The following DYRK3 variants were observed in gnomAD, a reference collection of about 807,000 sequenced individuals.
The protein encoded by DYRK3 is dual specificity tyrosine phosphorylation regulated kinase 3.
A neutral mutation model predicts 40.8 loss-of-function variants in DYRK3; 30 were observed. The observed-to-expected ratio is 0.74, with a 90% CI of 0.55 to 1.00. The LOEUF (loss-of-function observed/expected upper bound fraction) is 1.00. Among genes scored for constraint, DYRK3 ranks in the 50% least tolerant of loss-of-function variants. The pLI, the probability that DYRK3 is intolerant of heterozygous loss-of-function variation, is 0.00. For synonymous variants in DYRK3, 272 were observed against 260.7 expected, an observed-to-expected ratio of 1.04 and a Z score of -0.42; for missense variants, 699 against 731.5, an observed-to-expected ratio of 0.96 and a Z score of 0.51.
chr1:206,651,913 A>G lies in DYRK3; in HGVS notation c.*2948A>G, dbSNP rs1055293850. Among the ~76,000 whole-genome samples, 2 of 152,234 alleles carry G rather than the reference A, an allele frequency of 1.3e-5. No individual in the cohort carries two copies. The highest frequency in any genetic ancestry group is 2.9e-5 in the Non-Finnish European group (2 of 68,036). On this transcript the variant is annotated 3_prime_UTR_variant, in exon 3 of 3. Transcript: ENST00000367109. Reference sequence around the variant, plus strand: ...CCCACTCAGGTGCTGTCCAAGGCACATGTTTCCTTGGGATGTTTGGACAGA... The same window carrying G: ...CCCACTCAGGTGCTGTCCAAGGCACGTGTTTCCTTGGGATGTTTGGACAGA...
rs1553420596 is a variant in DYRK3, at chr1:206,648,218, C to T, written c.1020C>T (p.Asn340=). The T allele has an allele frequency of 1.9e-6, 3 of 1,614,176 alleles. No individual in the cohort carries two copies. In the South Asian group the frequency reaches 3.3e-5, roughly 18 times the overall value. Reference sequence around the variant, plus strand: ...TTCACTGCGATCTGAAGCCAGAAAACATTCTCCTGAAACACCACGGGCGCA... The same window carrying T: ...TTCACTGCGATCTGAAGCCAGAAAATATTCTCCTGAAACACCACGGGCGCA... ...KIIHCDLKPE[N]ILLKHHGRSS... Residue 340 remains asparagine, a synonymous_variant, in exon 3 of 3, where the codon AAC becomes AAT. Coordinates refer to ENST00000367109, the MANE Select transcript of DYRK3 (RefSeq NM_003582.4).
chr1:206,648,814 A>T lies in DYRK3; in HGVS notation c.1616A>T (p.Lys539Ile), dbSNP rs782361196. ...ACCACCATAGACAAGGTGTCAGGGA[A>T]ACGGGTAGTTAATCCTGCAAGTGCT... ...PLTTIDKVSG[K>I]RVVNPASAFQ... is the part of the protein sequence containing the mutation. The change falls in exon 3 of 3, where the codon AAA becomes ATA. Residue 539 changes from lysine to isoleucine, a missense_variant. By Grantham distance (102) the Lys-to-Ile change is moderately radical. Coordinates refer to ENST00000367109, the MANE Select transcript of DYRK3 (RefSeq NM_003582.4). 1 of 1,614,194 alleles carries T rather than the reference A, an allele frequency of 6.2e-7. No individual in the cohort carries two copies. The highest frequency in any genetic ancestry group is 8.5e-7 in the Non-Finnish European group (1 of 1,180,012).
rs937848327 is a variant in DYRK3 at position 206,652,145 on chromosome 1, C to G, written c.*3180C>G. 3.3e-5 allele frequency among the ~76,000 whole-genome samples: 5 copies of G among 152,212 alleles called. No individual in the cohort carries two copies. Among genetic ancestry groups the G allele is most frequent in the Non-Finnish European group, 7.3e-5 (5 of 68,042 alleles). ...TATCTGATTGACACAGATCTGAAGT[C>G]TCTAACACCATATTGCTGTTGTCCT... On this transcript the variant is annotated 3_prime_UTR_variant, in exon 3 of 3. Coordinates refer to ENST00000367109, the MANE Select transcript of DYRK3 (RefSeq NM_003582.4).
chr1:206,643,101 A>G (rs972827291), intron 2 of DYRK3, among the ~76,000 whole-genome samples: 2 of 152,046 alleles, frequency 1.3e-5, no homozygotes, highest in African/African-American at 4.8e-5. Flanking sequence ...AGTGCAGCCT[A>G]TGTTGAGAAT....
At position 206,655,065 on chromosome 1, in the gene DYRK3, T is replaced by C. The variant is rs1259584979; in HGVS notation, c.*6100T>C. Among the ~76,000 whole-genome samples the C allele has an allele frequency of 1.3e-5, 2 of 152,242 alleles. No homozygotes were observed. Among genetic ancestry groups the C allele is most frequent in the Non-Finnish European group, 2.9e-5 (2 of 68,044 alleles). ...CATTGTCCGTTTGAGTCTGCTGACATGCTTCCTCTGGAAAGTGCAGTTTGG... is the reference window on the plus strand; with the variant it reads ...CATTGTCCGTTTGAGTCTGCTGACACGCTTCCTCTGGAAAGTGCAGTTTGG... On this transcript the variant is annotated 3_prime_UTR_variant, in exon 3 of 3. Transcript: ENST00000367109.
intron 1 of DYRK3, among the ~76,000 whole-genome samples, chr1:206,636,686 A>G (rs1289879422): frequency 3.3e-5 from 5 of 152,262 alleles, no homozygotes; most frequent in Admixed American, 2.6e-4. Flanking sequence ...ATATTTTAAA[A>G]GACGTTAAAA....
chr1:206,639,073 G>T (rs1671202756), intron 2 of DYRK3, among the ~76,000 whole-genome samples: 1 of 151,958 alleles, frequency 6.6e-6, no homozygotes. Context: ...TAGAGACAGG[G>T]TTTCACCATG....
In DYRK3 at chr1:206,639,951, T is replaced by C. The variant is rs1430561807; in HGVS notation, c.189+2190T>C. Among the ~76,000 whole-genome samples the C allele has an allele frequency of 7.8e-3, 1,153 of 148,164 alleles. 3 individuals are homozygous for C. The highest frequency in any genetic ancestry group is 0.028 in the African/African-American group (1,096 of 39,838). On this transcript the variant is annotated intron_variant, in intron 2 of 2. Transcript: ENST00000367109. ...TTCTTTTTTTTTTTTTTTTTTTTTTTTGAGACCGAGTCTCGCTCTCTCGCC... is the reference window on the plus strand; with the variant it reads ...TTCTTTTTTTTTTTTTTTTTTTTTTCTGAGACCGAGTCTCGCTCTCTCGCC...
At chr1:206,639,825 G>A (rs1671233922) in intron 2 of DYRK3, among the ~76,000 whole-genome samples, 1 of 150,308 alleles carries the variant, frequency 6.7e-6, no homozygotes, top group Non-Finnish European at 1.5e-5. Flanking sequence ...TACTTACATT[G>A]TATGTTTCAG....
In DYRK3 at chr1:206,648,147, C is replaced by A. The variant is rs782636809; in HGVS notation, c.949C>A (p.Gln317Lys). 30 of 1,613,994 alleles carry A rather than the reference C, an allele frequency of 1.9e-5. No homozygotes were observed. Among genetic ancestry groups the A allele is most frequent in the Non-Finnish European group, 2.5e-5 (30 of 1,180,030 alleles). The change falls in exon 3 of 3, where the codon CAG becomes AAG. Residue 317 changes from glutamine (Q) to lysine (K), a missense_variant. Transcript: ENST00000367109. ...FSVQLVRKFA[Q>K]SILQSLDALH... ...CGTCCAGTTGGTACGCAAGTTTGCC[C>A]AGTCCATCTTGCAATCTTTGGATGC... is the stretch of plus-strand genomic sequence containing the variant.
At position 206,651,619 on chromosome 1, in the gene DYRK3, G is replaced by A. The variant is rs74147412; in HGVS notation, c.*2654G>A. ...GAATGGTTTTCCTGTAGGCCCAACA[G>A]TGTCATGACCCTCCAGTTGAAACAA... On this transcript the variant is annotated 3_prime_UTR_variant, in exon 3 of 3. Coordinates refer to ENST00000367109, the MANE Select transcript of DYRK3 (RefSeq NM_003582.4). 1.7e-3 allele frequency among the ~76,000 whole-genome samples: 258 copies of A among 152,290 alleles called. 2 individuals carry two copies. The highest frequency in any genetic ancestry group is 5.7e-3 in the African/African-American group (235 of 41,558).
intron 2 of DYRK3, among the ~76,000 whole-genome samples, chr1:206,646,257 CT>C (rs1671452411): frequency 6.6e-6 from 1 of 152,102 alleles, no homozygotes; most frequent in Admixed American, 6.6e-5. Context: ...CATAGTTACC[CT>C]TTTTTTGTAA....
In DYRK3 at chr1:206,649,188, G is replaced by T; in HGVS notation, c.*223G>T. 6.1e-6 allele frequency: 3 copies of T among 493,632 alleles called. No individual in the cohort carries two copies. Among genetic ancestry groups the T allele is most frequent in the South Asian group, 3.2e-5 (1 of 31,716 alleles). 30.6% of individuals were successfully genotyped at this position (493,632 alleles called of 1,614,324 possible). ...AATATGCATTAAATGACTTTTTATA[G>T]GTCAATGCATCTTTGTTATTATCGT... On this transcript the variant is annotated 3_prime_UTR_variant, in exon 3 of 3. Coordinates refer to ENST00000367109, the MANE Select transcript of DYRK3 (RefSeq NM_003582.4).
chr1:206,648,873 G>C lies in DYRK3; in HGVS notation c.1675G>C (p.Val559Leu), dbSNP rs199879907. The change falls in exon 3 of 3, where the codon GTT (valine) becomes CTT (leucine). Residue 559 changes from valine (V) to leucine (L), a missense_variant. Coordinates refer to ENST00000367109, the MANE Select transcript of DYRK3 (RefSeq NM_003582.4). ...QGLGSKLPPV[V>L]GIANKLKANL... Reference sequence around the variant, plus strand: ...ATTGGGTTCTAAGCTGCCTCCAGTTGTTGGAATAGCCAATAAGCTTAAAGC... The same window carrying C: ...ATTGGGTTCTAAGCTGCCTCCAGTTCTTGGAATAGCCAATAAGCTTAAAGC... 6.1e-5 allele frequency: 99 copies of C among 1,614,054 alleles called. No individual in the cohort carries two copies. Among genetic ancestry groups the C allele is most frequent in the Admixed American group, 2.7e-4 (16 of 60,012 alleles).
rs1553421356 is a variant in DYRK3 at position 206,651,773 on chromosome 1, T to G, written c.*2808T>G. On this transcript the variant is annotated 3_prime_UTR_variant, in exon 3 of 3. Transcript: ENST00000367109. ...GGCTTAACTGCAGATCAGGGAGCAT[T>G]GAACCTCTACAATTTGCTGCATTGG... Among the ~76,000 whole-genome samples, 2 of 152,226 alleles carry G rather than the reference T, an allele frequency of 1.3e-5. No homozygotes were observed. Among genetic ancestry groups the G allele is most frequent in the Non-Finnish European group, 2.9e-5 (2 of 68,036 alleles).
rs1671586934 is a variant in DYRK3, at chr1:206,649,907, C to T, written c.*942C>T. Reference sequence around the variant, plus strand: ...AAATGCTTCCCTCTTCTCTTTACAGCTACCTGCCACTTCAATGTGCCACAT... The same window carrying T: ...AAATGCTTCCCTCTTCTCTTTACAGTTACCTGCCACTTCAATGTGCCACAT... On this transcript the variant is annotated 3_prime_UTR_variant, in exon 3 of 3. Coordinates refer to ENST00000367109, the MANE Select transcript of DYRK3 (RefSeq NM_003582.4). Among the ~76,000 whole-genome samples, 1 of 152,188 alleles carries T rather than the reference C, an allele frequency of 6.6e-6. No individual in the cohort carries two copies. Among genetic ancestry groups the T allele is most frequent in the African/African-American group, 2.4e-5 (1 of 41,448 alleles).
intron 2 of DYRK3, among the ~76,000 whole-genome samples, chr1:206,640,622 C>G (rs1166820050): frequency 6.8e-6 from 1 of 147,630 alleles, no homozygotes; most frequent in Admixed American, 6.9e-5. Flanking sequence ...ACTATCTCGG[C>G]TCATTGCAAG....
chr1:206,636,883 CCA>C, intron 1 of DYRK3: 1 of 1,607,012 alleles, frequency 6.2e-7, no homozygotes, highest in Non-Finnish European at 8.5e-7. Context: ...AGTGGTGGAG[CCA>C]CAGTGTTAAA....
rs1450971081 is a variant in DYRK3, at chr1:206,653,506, G to C, written c.*4541G>C. Among the ~76,000 whole-genome samples, 1 of 152,124 alleles carries C rather than the reference G, an allele frequency of 6.6e-6. No individual in the cohort carries two copies. The highest frequency in any genetic ancestry group is 1.5e-5 in the Non-Finnish European group (1 of 68,034). On this transcript the variant is annotated 3_prime_UTR_variant, in exon 3 of 3. Coordinates refer to ENST00000367109, the MANE Select transcript of DYRK3 (RefSeq NM_003582.4). ...GTCTTCATATTGTTCTGAATTAACA[G>C]ATTTTGATGCCCGCTGATCATGTGC...
Sources: allele counts gnomAD v4.1 joint callset (sites outside exome capture counted in the v4.1 genomes callset), GRCh38; gene constraint gnomAD v4.1.1; transcripts MANE v1.5; gene names NCBI Gene and HGNC (gene_info 2026-07-23, HGNC 2026-07-21).